ABCA12: variants seen among roughly 807,000 people sequenced by gnomAD.
The protein encoded by ABCA12 is ATP binding cassette subfamily A member 12, also known as glucosylceramide transporter ABCA12.
In ABCA12, 156 loss-of-function variants were observed where a neutral mutation model predicts 293.5. The observed-to-expected ratio is 0.53, with a 90% CI of 0.47 to 0.61. The LOEUF is 0.61. Among genes scored for constraint, ABCA12 ranks in the 20% least tolerant of loss-of-function variants. The pLI, the probability that ABCA12 is intolerant of heterozygous loss-of-function variation, is 0.00. For synonymous variants in ABCA12, 1,063 were observed against 1,108.0 expected (o/e 0.96, Z 0.81); for missense variants, 2,797 against 3,090.2 (o/e 0.91, Z 2.25).
chr2:215,107,643 A>C (rs1702490618), intron 2 of ABCA12, among the ~76,000 whole-genome samples: 1 of 152,226 alleles, frequency 6.6e-6, no homozygotes, highest in South Asian at 2.1e-4. Flanking sequence ...CCGCTCATCA[A>C]AAATGCAGAC....
At chr2:214,984,500 A>G (rs1249405146) in intron 28 of ABCA12, among the ~76,000 whole-genome samples, 1 of 152,100 alleles carries the variant, frequency 6.6e-6, no homozygotes, top group Non-Finnish European at 1.5e-5. Flanking sequence ...TCAAATTTAC[A>G]TCTGTAGCCC....
At chr2:215,032,198 G>A (rs1700893669) in intron 8 of ABCA12, 1 of 899,934 alleles carries the variant, frequency 1.1e-6, no homozygotes, top group Non-Finnish European at 1.5e-6. Flanking sequence ...TGCATATGCA[G>A]ATGACTGCTA....
At chr2:215,074,553 A>G (rs1195651165) in intron 2 of ABCA12, among the ~76,000 whole-genome samples, 1 of 152,226 alleles carries the variant, frequency 6.6e-6, no homozygotes, top group East Asian at 1.9e-4. Context: ...AGGTCTGTGT[A>G]TTGATAGAGG....
At chr2:214,970,063 C>A (rs1385200821) in intron 37 of ABCA12, among the ~76,000 whole-genome samples, 4 of 151,872 alleles carry the variant, frequency 2.6e-5, no homozygotes, top group Middle Eastern at 3.4e-3. Flanking sequence ...ATTTTTGAGG[C>A]CTAATATAAC....
intron 2 of ABCA12, among the ~76,000 whole-genome samples, chr2:215,105,014 C>CATTGAGTGAATTTTGTTCCTCA (rs1702435959): frequency 1.3e-5 from 2 of 152,180 alleles, no homozygotes; most frequent in Non-Finnish European, 2.9e-5. Flanking sequence ...TACTATCTAT[C>CATTGAGTGAATTTTGTTCCTCA]ATTGAGTGAA....
chr2:215,118,368 T>A (rs1702729774), intron 1 of ABCA12, among the ~76,000 whole-genome samples: 1 of 152,002 alleles, frequency 6.6e-6, no homozygotes, highest in Non-Finnish European at 1.5e-5. Context: ...TGCCACTGCA[T>A]GCCAGCCTGG....
intron 45 of ABCA12, among the ~76,000 whole-genome samples, chr2:214,949,792 G>C (rs1698696389): frequency 6.6e-6 from 1 of 152,208 alleles, no homozygotes; most frequent in Non-Finnish European, 1.5e-5. Context: ...ACAGCACCCT[G>C]AACAGGCTTC....
intron 2 of ABCA12, among the ~76,000 whole-genome samples, chr2:215,107,481 A>G (rs1407232608): frequency 6.6e-6 from 1 of 152,244 alleles, no homozygotes; most frequent in African/African-American, 2.4e-5. Context: ...CAGGCTCAAA[A>G]GGTTTTCTTC....
rs116497555 is a variant in ABCA12, at chr2:215,094,746, T to A, written c.163+16851A>T. On this transcript the variant is annotated intron_variant, in intron 2 of 52. Transcript: ENST00000272895. ...AGGTTACTCATAGACACTATGTGCT[T>A]TCTAATACACCATAAAAATCGAACC... Among the ~76,000 whole-genome samples the A allele has an allele frequency of 5.9e-3, 897 of 152,296 alleles. 8 individuals are homozygous for A. The highest frequency in any genetic ancestry group is 0.021 in the African/African-American group (864 of 41,574).
chr2:215,045,512 C>G (rs890667142), intron 7 of ABCA12, among the ~76,000 whole-genome samples: 3 of 152,110 alleles, frequency 2.0e-5, no homozygotes, highest in African/African-American at 7.2e-5. Context: ...TCAGGTTGTC[C>G]CTGAATGAAC....
At chr2:215,107,095 A>G (rs1052431703) in intron 2 of ABCA12, among the ~76,000 whole-genome samples, 1 of 152,110 alleles carries the variant, frequency 6.6e-6, no homozygotes, top group African/African-American at 2.4e-5. Flanking sequence ...TAAACTTCAC[A>G]AAAGTGTGAC....
chr2:215,001,368 C>T (rs1172470300), intron 21 of ABCA12, among the ~76,000 whole-genome samples, 190 bp downstream of exon 21: 1 of 152,152 alleles, frequency 6.6e-6, no homozygotes. Context: ...ATTTGAAGTA[C>T]ACCAACAAAA....
intron 2 of ABCA12, among the ~76,000 whole-genome samples, chr2:215,109,913 T>C (rs1702536541): frequency 6.6e-6 from 1 of 152,222 alleles, no homozygotes; most frequent in African/African-American, 2.4e-5. Flanking sequence ...ATCACTATTG[T>C]TAGAAAATTG....
At position 214,975,969 on chromosome 2, in the gene ABCA12, G is replaced by C; in HGVS notation, c.5197C>G (p.Leu1733Val). ...GLLLKKIMAILIKRFHHTRRN... is the reference protein window; with the variant it reads ...GLLLKKIMAIVIKRFHHTRRN... ...CGGGTGTGGTGGAACCTCTTGATGAGTATAGCCATGATCTTCTTCAGCAAC... is the reference window on the plus strand; with the variant it reads ...CGGGTGTGGTGGAACCTCTTGATGACTATAGCCATGATCTTCTTCAGCAAC... The change falls in exon 34 of 53, where the codon CTC becomes GTC. Residue 1733 changes from leucine (L) to valine (V), a missense_variant. Physicochemically the swap from Leu to Val is conservative, Grantham distance 32. Coordinates refer to ENST00000272895, the MANE Select transcript of ABCA12 (RefSeq NM_173076.3). 1 of 1,614,084 alleles carries C rather than the reference G, an allele frequency of 6.2e-7. No individual in the cohort carries two copies. Among genetic ancestry groups the C allele is most frequent in the Non-Finnish European group, 8.5e-7 (1 of 1,180,000 alleles).
chr2:214,982,408 AT>A (rs1462237051), intron 29 of ABCA12, 25 bp from the exon 30 acceptor site: 11 of 1,584,366 alleles, frequency 6.9e-6, no homozygotes, highest in Non-Finnish European at 9.5e-6. Flanking sequence ...TATGATGGTT[AT>A]TTTTTTACAG....
At chr2:214,961,498 C>T (rs1385735255) in intron 39 of ABCA12, among the ~76,000 whole-genome samples, 1 of 152,102 alleles carries the variant, frequency 6.6e-6, no homozygotes, top group African/African-American at 2.4e-5. Context: ...AGCCAGAATA[C>T]AGGTTTTAAA....
intron 52 of ABCA12, 60 bp from the exon 53 acceptor site, chr2:214,932,801 T>TTAA: frequency 8.5e-7 from 1 of 1,182,132 alleles, no homozygotes. Context: ...AAAAATAAAG[T>TTAA]TAATTCATTC....
intron 1 of ABCA12, among the ~76,000 whole-genome samples, chr2:215,123,778 AT>A (rs200877715): frequency 0.027 from 4,154 of 151,556 alleles, 151 homozygotes; most frequent in African/African-American, 0.09. Context: ...CTTTATTTTA[AT>A]TTTTTTTATA....
chr2:215,039,816 T>C (rs778922405), intron 7 of ABCA12, among the ~76,000 whole-genome samples: 3 of 151,966 alleles, frequency 2.0e-5, no homozygotes, highest in African/African-American at 4.8e-5. Context: ...TTAATTTTAA[T>C]AATATATTTT....
Sources: allele counts gnomAD v4.1 joint callset (sites outside exome capture counted in the v4.1 genomes callset), GRCh38; gene constraint gnomAD v4.1.1; transcripts MANE v1.5; gene names NCBI Gene and HGNC (gene_info 2026-07-23, HGNC 2026-07-21).